ALDH5A1: variants seen among roughly 807,000 people sequenced by gnomAD.
The protein encoded by ALDH5A1 is succinate-semialdehyde dehydrogenase, mitochondrial.
A neutral mutation model predicts 54.7 loss-of-function variants in ALDH5A1; 33 were observed. The ratio of observed to expected loss-of-function variants is 0.60; its 90% CI spans 0.46 to 0.81. ALDH5A1 has a LOEUF of 0.81. Among genes scored for constraint, ALDH5A1 ranks in the 30% least tolerant of loss-of-function variants. The pLI is 0.00. For missense variants in ALDH5A1, 657 were observed against 711.0 expected (o/e 0.92, Z 0.86); for synonymous variants, 294 against 292.7 (o/e 1.00, Z -0.05).
chr6:24,533,477 T>C, intron 9 of ALDH5A1, 30 bp from the exon 10 acceptor site: 1 of 1,609,552 alleles, frequency 6.2e-7, no homozygotes, highest in Non-Finnish European at 8.5e-7. Context: ...CTCTTCTAAA[T>C]GCCATATATG....
In ALDH5A1 at chr6:24,533,578, G is replaced by A. The variant is rs151294087; in HGVS notation, c.1474G>A (p.Val492Ile). The stretch of plus-strand genomic sequence containing the variant: ...GCAGCTGGAAGTGGGCATGGTTGGC[G>A]TCAACGAAGGATTAATTTCCTCTGT... ...AEQLEVGMVGVNEGLISSVEC... is the reference protein window; with the variant it reads ...AEQLEVGMVGINEGLISSVEC... Residue 492 changes from valine to isoleucine, a missense_variant, in exon 10 of 10, where the codon GTC becomes ATC. Coordinates refer to ENST00000357578, the MANE Select transcript of ALDH5A1 (RefSeq NM_001080.3). The A allele has an allele frequency of 1.4e-4, 228 of 1,614,152 alleles. No homozygotes were observed. Among genetic ancestry groups the A allele is most frequent in the African/African-American group, 5.3e-4 (40 of 75,020 alleles).
intron 1 of ALDH5A1, among the ~76,000 whole-genome samples, chr6:24,497,808 G>A (rs116478188): frequency 0.015 from 2,214 of 152,290 alleles, 20 homozygotes; most frequent in Non-Finnish European, 0.024. Flanking sequence ...TTTTTACTTT[G>A]AGTAAAGAGG....
chr6:24,505,420 C>CTA (rs1215430335), intron 4 of ALDH5A1, among the ~76,000 whole-genome samples: 8 of 24,776 alleles, frequency 3.2e-4, no homozygotes, highest in Admixed American at 1.3e-3. Flanking sequence ...TTTCAAGGTC[C>CTA]TATGTCACTT....
Position 24,536,202 on chromosome 6 carries a change from T to C in ALDH5A1, c.*2490T>C, listed in dbSNP as rs1403768357. 1.3e-5 allele frequency: 2 copies of C among 152,148 alleles called. No individual in the cohort carries two copies. Among genetic ancestry groups the C allele is most frequent in the Admixed American group, 6.5e-5 (1 of 15,268 alleles). The allele number at this position is 152,148 out of a possible 1,614,324, so 9.4% of individuals were successfully genotyped here. On this transcript the variant is annotated 3_prime_UTR_variant, in exon 10 of 10. Coordinates refer to ENST00000357578, the MANE Select transcript of ALDH5A1 (RefSeq NM_001080.3). ...TAGAAAAGGACCATTAGATCAGGGG[T>C]TGGCAAACTATGGCCCACGAATCAA...
rs1011343327 is a variant in ALDH5A1 at position 24,535,866 on chromosome 6, G to C, written c.*2154G>C. 2 of 152,178 alleles carry C rather than the reference G, an allele frequency of 1.3e-5. No homozygotes were observed. Among genetic ancestry groups the C allele is most frequent in the African/African-American group, 2.4e-5 (1 of 41,444 alleles). 9.4% of individuals were successfully genotyped at this position (152,178 alleles called of 1,614,324 possible). ...TTATTTTTTATAACTCTGGATTACC[G>C]ATGCTGAGATGTGTGCAGGAATACT... On this transcript the variant is annotated 3_prime_UTR_variant, in exon 10 of 10. Coordinates refer to ENST00000357578, the MANE Select transcript of ALDH5A1 (RefSeq NM_001080.3).
chr6:24,521,536 G>A (rs148287025), intron 6 of ALDH5A1, among the ~76,000 whole-genome samples: 97 of 152,238 alleles, frequency 6.4e-4, no homozygotes, highest in African/African-American at 2.0e-3. Flanking sequence ...ATCCCTGAAA[G>A]GTTATATTGT....
rs935561620 is a variant in ALDH5A1 at position 24,534,159 on chromosome 6, C to T, written c.*447C>T. 5 of 190,392 alleles carry T rather than the reference C, an allele frequency of 2.6e-5. No individual in the cohort carries two copies. In the Admixed American group the frequency reaches 2.7e-4, roughly 10 times the overall value. The allele number at this position is 190,392 out of a possible 1,614,324, so 11.8% of individuals were successfully genotyped here. ...GGCAGGCAGGTGAGGGGCACAGCAC[C>T]CCTCCCCGGCATCTGCCAGCTCAGC... On this transcript the variant is annotated 3_prime_UTR_variant, in exon 10 of 10. Coordinates refer to ENST00000357578, the MANE Select transcript of ALDH5A1 (RefSeq NM_001080.3).
chr6:24,502,652 ATT>A (rs1654288995), intron 2 of ALDH5A1, 46 bp downstream of exon 2: 1 of 1,477,954 alleles, frequency 6.8e-7, no homozygotes, highest in Admixed American at 1.7e-5. Flanking sequence ...TTCTCCAGGA[ATT>A]TTTACACTAA....
intron 5 of ALDH5A1, 44 bp from the exon 6 acceptor site, chr6:24,520,357 G>A: frequency 1.2e-6 from 2 of 1,611,916 alleles, no homozygotes; most frequent in Non-Finnish European, 8.5e-7. Flanking sequence ...AACAATCCTG[G>A]TAATGGATTT....
chr6:24,514,108 C>G (rs952778634), intron 4 of ALDH5A1, among the ~76,000 whole-genome samples: 1 of 152,220 alleles, frequency 6.6e-6, no homozygotes, highest in Non-Finnish European at 1.5e-5. Context: ...TATGTCTTAT[C>G]CAAAGGGAAT....
chr6:24,526,972 G>GTATATA (rs1459778389), intron 7 of ALDH5A1, among the ~76,000 whole-genome samples: 171 of 8,332 alleles, frequency 0.021, 1 homozygote, highest in African/African-American at 0.032. Flanking sequence ...ATATGTGTGT[G>GTATATA]TGTATATATA....
In ALDH5A1 at chr6:24,503,308, T is replaced by C. The variant is rs2127382420; in HGVS notation, c.484T>C (p.Phe162Leu). ...EAHGEILYSAFFLEWFSEEAR... is the reference protein window; with the variant it reads ...EAHGEILYSALFLEWFSEEAR... Reference sequence around the variant, plus strand: ...ACATGGAGAAATTCTCTATTCCGCCTTTTTCCTAGAGTGGTTCTCTGAGGA... The same window carrying C: ...ACATGGAGAAATTCTCTATTCCGCCCTTTTCCTAGAGTGGTTCTCTGAGGA... Residue 162 changes from phenylalanine (F) to leucine (L), a missense_variant, in exon 3 of 10, where the codon TTT becomes CTT. By Grantham distance (22) the Phe-to-Leu change is conservative. Around this residue, in one of 2 missense-constraint regions of ALDH5A1, gnomAD observed 425 missense variants for 516.4 expected, o/e 0.82. Coordinates refer to ENST00000357578, the MANE Select transcript of ALDH5A1 (RefSeq NM_001080.3). The C allele has an allele frequency of 1.2e-6, 2 of 1,613,858 alleles. No individual in the cohort carries two copies. Among genetic ancestry groups the C allele is most frequent in the South Asian group, 1.1e-5 (1 of 91,060 alleles).
At position 24,536,523 on chromosome 6, in the gene ALDH5A1, G is replaced by C. The variant is rs1246493803; in HGVS notation, c.*2811G>C. Reference sequence around the variant, plus strand: ...GTCTCCTTAAAGAAAAAGTTTGCCAGCTCCTGATCTAGACCAAGAGGGAGA... The same window carrying C: ...GTCTCCTTAAAGAAAAAGTTTGCCACCTCCTGATCTAGACCAAGAGGGAGA... On this transcript the variant is annotated 3_prime_UTR_variant, in exon 10 of 10. Coordinates refer to ENST00000357578, the MANE Select transcript of ALDH5A1 (RefSeq NM_001080.3). 1 of 152,160 alleles carries C rather than the reference G, an allele frequency of 6.6e-6. No individual in the cohort carries two copies. The highest frequency in any genetic ancestry group is 2.4e-5 in the African/African-American group (1 of 41,426). 9.4% of individuals were successfully genotyped at this position (152,160 alleles called of 1,614,324 possible). A position where few individuals can be genotyped will look rare whatever the true frequency, so the allele number is the denominator to read the frequency against.
rs147095339 is a variant in ALDH5A1 at position 24,519,727 on chromosome 6, C to T, written c.871-674C>T. On this transcript the variant is annotated intron_variant, in intron 5 of 9. Coordinates refer to ENST00000357578, the MANE Select transcript of ALDH5A1 (RefSeq NM_001080.3). ...TGGGAAGATAAAGCAGGTTACGAAA[C>T]GGTATAATTATATAATTATACCATC... Among the ~76,000 whole-genome samples the T allele has an allele frequency of 3.7e-3, 543 of 147,788 alleles. 5 individuals carry two copies. Among genetic ancestry groups the T allele is most frequent in the African/African-American group, 9.9e-3 (397 of 40,210 alleles).
chr6:24,514,555 A>G (rs1435782444), intron 4 of ALDH5A1, among the ~76,000 whole-genome samples: 2 of 152,110 alleles, frequency 1.3e-5, no homozygotes, highest in African/African-American at 4.8e-5. Context: ...CCTGGCTAAC[A>G]TGGTGAAAAC....
intron 8 of ALDH5A1, among the ~76,000 whole-genome samples, chr6:24,529,816 C>T (rs760807612): frequency 6.6e-6 from 1 of 151,344 alleles, no homozygotes; most frequent in Non-Finnish European, 1.5e-5. Context: ...GGATTACAGG[C>T]GCCCGCCACC....
Position 24,536,815 on chromosome 6 carries a change from C to G in ALDH5A1, c.*3103C>G, listed in dbSNP as rs1261728565. ...TTTAAATATGATTTTATGTGAAGTG[C>G]CATTTCTTTATTCTACTAAAGAGAG... On this transcript the variant is annotated 3_prime_UTR_variant, in exon 10 of 10. Coordinates refer to ENST00000357578, the MANE Select transcript of ALDH5A1 (RefSeq NM_001080.3). 1.3e-5 allele frequency: 2 copies of G among 152,570 alleles called. No individual in the cohort carries two copies. Among genetic ancestry groups the G allele is most frequent in the Non-Finnish European group, 2.9e-5 (2 of 68,030 alleles). 9.5% of individuals were successfully genotyped at this position (152,570 alleles called of 1,614,324 possible). A position where few individuals can be genotyped will look rare whatever the true frequency, so the allele number is the denominator to read the frequency against.
chr6:24,512,292 C>T (rs1759474786), intron 4 of ALDH5A1, among the ~76,000 whole-genome samples: 1 of 152,230 alleles, frequency 6.6e-6, no homozygotes, highest in Non-Finnish European at 1.5e-5. Flanking sequence ...TCCCAGTTTT[C>T]CTGATTTATT....
At chr6:24,507,352 T>G (rs1350394762) in intron 4 of ALDH5A1, among the ~76,000 whole-genome samples, 1 of 152,196 alleles carries the variant, frequency 6.6e-6, no homozygotes, top group Non-Finnish European at 1.5e-5. Flanking sequence ...CTTAAATGTA[T>G]TCTCTATTTT....
Sources: allele counts gnomAD v4.1 joint callset (sites outside exome capture counted in the v4.1 genomes callset), GRCh38; gene constraint gnomAD v4.1.1; regional missense constraint gnomAD v4.1.1; transcripts MANE v1.5; gene names NCBI Gene and HGNC (gene_info 2026-07-23, HGNC 2026-07-21).